CHSY1: variants seen among roughly 807,000 people sequenced by gnomAD.
CHSY1 encodes the protein chondroitin sulfate synthase 1, also known as N-acetylgalactosaminyl-proteoglycan 3-beta-glucuronosyltransferase 1.
Under a neutral mutation model 59.8 loss-of-function variants are expected in CHSY1, and 13 were observed. The observed-to-expected ratio is 0.22, with a 90% confidence interval of 0.14 to 0.35. The LOEUF (loss-of-function observed/expected upper bound fraction) is 0.35, where lower values mean the gene tolerates loss of function less well. Ranked by LOEUF, CHSY1 falls within the 10% of genes least tolerant of loss-of-function variation. The probability of loss-of-function intolerance (pLI) is 1.00; values close to 1 mark genes in which losing one functional copy is unlikely to be tolerated. For synonymous variants in CHSY1, 459 were observed against 401.2 expected, an observed-to-expected ratio of 1.14 and a Z score of -1.72; for missense variants, 947 against 1,030.6, an observed-to-expected ratio of 0.92 and a Z score of 1.11.
chr15:101,180,786 G>C (rs2038267051), intron 2 of CHSY1, among the ~76,000 whole-genome samples: 1 of 152,170 alleles, frequency 6.6e-6, no homozygotes, highest in African/African-American at 2.4e-5. Flanking sequence ...AGGCTTGGAT[G>C]AACCACGTTA....
intron 2 of CHSY1, among the ~76,000 whole-genome samples, chr15:101,181,460 T>A (rs1466755130): frequency 2.0e-5 from 3 of 152,246 alleles, no homozygotes; most frequent in Admixed American, 2.0e-4. Context: ...AAACACACAT[T>A]AATTTGGCCT....
rs151295882 is a variant in CHSY1 at position 101,181,044 on chromosome 15, A to G, written c.817-2064T>C. The stretch of plus-strand genomic sequence containing the variant: ...TTTACAATCCTGTTGGGGCACTCGG[A>G]GGCACAGCAGTTACAAGGACCTGCT... On this transcript the variant is annotated intron_variant, in intron 2 of 2. Transcript: ENST00000254190. Among the ~76,000 whole-genome samples the G allele has an allele frequency of 2.9e-3, 446 of 152,374 alleles. 5 individuals are homozygous for G. The highest frequency in any genetic ancestry group is 9.7e-3 in the African/African-American group (405 of 41,596).
chr15:101,185,800 C>T (rs1350156738), intron 2 of CHSY1, among the ~76,000 whole-genome samples: 2 of 145,898 alleles, frequency 1.4e-5, no homozygotes, highest in African/African-American at 2.6e-5. Flanking sequence ...TTTGAGGATG[C>T]GTATTTAAGA....
At chr15:101,239,805 C>T (rs1048782650) in intron 1 of CHSY1, among the ~76,000 whole-genome samples, 6 of 152,208 alleles carry the variant, frequency 3.9e-5, no homozygotes, top group East Asian at 1.9e-4. Context: ...GCAAATTTCA[C>T]GAGCATTTCG....
chr15:101,207,300 C>G (rs1311136022), intron 2 of CHSY1, among the ~76,000 whole-genome samples: 1 of 152,186 alleles, frequency 6.6e-6, no homozygotes, highest in Non-Finnish European at 1.5e-5. Flanking sequence ...AGAGTTACGT[C>G]CACATAACCC....
intron 2 of CHSY1, 30 bp from the exon 3 acceptor site, chr15:101,179,010 T>C (rs2038238975): frequency 1.9e-6 from 3 of 1,607,356 alleles, no homozygotes; most frequent in Admixed American, 1.7e-5. Flanking sequence ...AGATCACAAA[T>C]TTAGTATTGT....
intron 2 of CHSY1, among the ~76,000 whole-genome samples, chr15:101,223,087 A>G (rs2141267831): frequency 6.6e-6 from 1 of 152,278 alleles, no homozygotes; most frequent in African/African-American, 2.4e-5. Context: ...TCTGCCCCCC[A>G]GGTTCAAGTG....
chr15:101,209,856 T>A (rs559732606), intron 2 of CHSY1, among the ~76,000 whole-genome samples: 1 of 152,354 alleles, frequency 6.6e-6, no homozygotes, highest in Admixed American at 6.5e-5. Flanking sequence ...TCTACTGGCA[T>A]GTGACTGATC....
chr15:101,189,482 GC>G, intron 2 of CHSY1: 1 of 985,532 alleles, frequency 1.0e-6, no homozygotes, highest in Non-Finnish European at 1.2e-6. Context: ...ACCAGGACGT[GC>G]CACACAGGCC....
chr15:101,214,387 C>T (rs1307498603), intron 2 of CHSY1, among the ~76,000 whole-genome samples: 3 of 152,162 alleles, frequency 2.0e-5, no homozygotes, highest in Non-Finnish European at 4.4e-5. Flanking sequence ...ACCTTACGTC[C>T]TTTTTTTAGG....
intron 1 of CHSY1, among the ~76,000 whole-genome samples, chr15:101,247,403 C>T (rs1352630301): frequency 6.6e-6 from 1 of 152,190 alleles, no homozygotes; most frequent in Non-Finnish European, 1.5e-5. Context: ...TTGCCCTGCC[C>T]CAACCCTGTT....
intron 1 of CHSY1, among the ~76,000 whole-genome samples, chr15:101,237,117 A>G (rs572299043): frequency 4.9e-4 from 73 of 149,324 alleles, no homozygotes; most frequent in Admixed American, 4.5e-3. Context: ...CCAGCTACTC[A>G]GGAGGCTGAG....
chr15:101,235,226 G>A lies in CHSY1; in HGVS notation c.672C>T (p.Gly224=), dbSNP rs768087787. 24 of 1,613,834 alleles carry A rather than the reference G, an allele frequency of 1.5e-5. No individual in the cohort carries two copies. Among genetic ancestry groups the A allele is most frequent in the East Asian group, 6.7e-5 (3 of 44,890 alleles). Reference sequence around the variant, plus strand: ...GAAGCACCTCCCGGCTCATGATCACGCCAGGCCCCCCCATGCAGAAGTTCT... The same window carrying A: ...GAAGCACCTCCCGGCTCATGATCACACCAGGCCCCCCCATGCAGAAGTTCT... ...PGENFCMGGP[G]VIMSREVLRR... is the part of the protein sequence containing the mutation. Residue 224 remains glycine, a synonymous_variant, in exon 2 of 3, where the codon GGC becomes GGT. Coordinates refer to ENST00000254190, the MANE Select transcript of CHSY1 (RefSeq NM_014918.5).
intron 2 of CHSY1, among the ~76,000 whole-genome samples, chr15:101,194,904 C>T (rs755354236): frequency 1.9e-4 from 29 of 152,286 alleles, no homozygotes; most frequent in Non-Finnish European, 3.5e-4. Flanking sequence ...AAGATAAGAT[C>T]TCATGCACTT....
At chr15:101,213,823 T>C (rs2038705094) in intron 2 of CHSY1, among the ~76,000 whole-genome samples, 1 of 152,246 alleles carries the variant, frequency 6.6e-6, no homozygotes, top group Non-Finnish European at 1.5e-5. Context: ...ACATAGTTCC[T>C]ACTGTGTGTA....
chr15:101,177,748 C>G lies in CHSY1; in HGVS notation c.2049G>C (p.Gln683His), dbSNP rs1210265446. 6.2e-7 allele frequency: 1 copy of G among 1,614,166 alleles called. No individual in the cohort carries two copies. The change falls in exon 3 of 3, where the codon CAG becomes CAC. Residue 683 changes from glutamine (Q) to histidine (H), a missense_variant. Coordinates refer to ENST00000254190, the MANE Select transcript of CHSY1 (RefSeq NM_014918.5). ...VPSDNHFAFT[Q>H]KTGFWRNYGF... is the part of the protein sequence containing the mutation. Reference sequence around the variant, plus strand: ...CATAGTTTCTCCAGAAGCCAGTTTTCTGAGTAAAGGCAAAATGGTTGTCAC... The same window carrying G: ...CATAGTTTCTCCAGAAGCCAGTTTTGTGAGTAAAGGCAAAATGGTTGTCAC...
chr15:101,251,329 G>C lies in CHSY1; in HGVS notation c.128C>G (p.Ala43Gly). Reference sequence around the variant, plus strand: ...CCCGGACCGGCAGCCCTCGGGGCTGGCGCGGCGCCGTGGGCCCGCTCGCTT... The same window carrying C: ...CCCGGACCGGCAGCCCTCGGGGCTGCCGCGGCGCCGTGGGCCCGCTCGCTT... Reference protein sequence around the residue: ...ELKRAGPRRRASPEGCRSGQA... With the variant: ...ELKRAGPRRRGSPEGCRSGQA... The change falls in exon 1 of 3, where the codon GCC (alanine) becomes GGC (glycine). Residue 43 changes from alanine (A) to glycine (G), a missense_variant. Coordinates refer to ENST00000254190, the MANE Select transcript of CHSY1 (RefSeq NM_014918.5). 8.8e-7 allele frequency: 1 copy of C among 1,131,976 alleles called. No homozygotes were observed. The highest frequency in any genetic ancestry group is 1.1e-6 in the Non-Finnish European group (1 of 913,842). The allele number at this position is 1,131,976 out of a possible 1,614,324, so 70.1% of individuals were successfully genotyped here. A position where few individuals can be genotyped will look rare whatever the true frequency, so the allele number is the denominator to read the frequency against.
At chr15:101,208,139 T>C (rs932663689) in intron 2 of CHSY1, among the ~76,000 whole-genome samples, 2 of 152,106 alleles carry the variant, frequency 1.3e-5, no homozygotes, top group African/African-American at 4.8e-5. Flanking sequence ...CCCTTTGGGG[T>C]TGAAATGGGA....
At chr15:101,198,536 C>T (rs2038533702) in intron 2 of CHSY1, among the ~76,000 whole-genome samples, 2 of 152,208 alleles carry the variant, frequency 1.3e-5, no homozygotes, top group Admixed American at 6.5e-5. Context: ...TCAGTAACTT[C>T]TACTTTCCGA....
Sources: gnomAD v4.1 joint callset for allele counts (sites outside exome capture counted in the v4.1 genomes callset) on GRCh38, gnomAD v4.1.1 for gene constraint, MANE v1.5 for transcripts, NCBI Gene and HGNC (gene_info 2026-07-23, HGNC 2026-07-21) for gene names.